Variants in CADM2 observed in about 807,000 individuals in gnomAD.
CADM2 encodes cell adhesion molecule 2, also known as immunoglobulin superfamily member 4D.
In CADM2, 12 loss-of-function variants were observed where a neutral mutation model predicts 49.8. The observed-to-expected ratio is 0.24, with a 90% CI of 0.15 to 0.39. The LOEUF (loss-of-function observed/expected upper bound fraction) is 0.39. Among genes scored for constraint, CADM2 ranks in the 10% least tolerant of loss-of-function variants. CADM2 has a pLI of 1.00. For missense variants in CADM2, 378 were observed against 492.3 expected, an observed-to-expected ratio of 0.77 and a Z score of 2.20; for synonymous variants, 214 against 175.4, an observed-to-expected ratio of 1.22 and a Z score of -1.74.
At chr3:85,028,866 A>T (rs1457217832) in intron 1 of CADM2, among the ~76,000 whole-genome samples, 2 of 151,922 alleles carry the variant, frequency 1.3e-5, no homozygotes, top group Non-Finnish European at 2.9e-5. Flanking sequence ...TTTAAAATAT[A>T]TTCCAAAATT....
chr3:85,894,757 C>G (rs1197773908), intron 5 of CADM2, among the ~76,000 whole-genome samples: 2 of 152,186 alleles, frequency 1.3e-5, no homozygotes, highest in Non-Finnish European at 2.9e-5. Context: ...CCAGCTGTGG[C>G]TAAAAGGGGC....
intron 1 of CADM2, among the ~76,000 whole-genome samples, chr3:85,156,378 A>G (rs2040123420): frequency 6.6e-6 from 1 of 152,170 alleles, no homozygotes; most frequent in Non-Finnish European, 1.5e-5. Flanking sequence ...ATCTAGAAGA[A>G]ATGGATAAAT....
At chr3:86,053,346 C>T (rs1343696769) in intron 8 of CADM2, among the ~76,000 whole-genome samples, 7 of 152,052 alleles carry the variant, frequency 4.6e-5, no homozygotes, top group Non-Finnish European at 1.0e-4. Context: ...GCATTTTTTG[C>T]GTGTACACTT....
chr3:86,066,933 A>C lies in CADM2; in HGVS notation c.*150A>C. 1 of 638,978 alleles carries C rather than the reference A, an allele frequency of 1.6e-6. No individual in the cohort carries two copies. 39.6% of individuals were successfully genotyped at this position (638,978 alleles called of 1,614,324 possible). A position where few individuals can be genotyped will look rare whatever the true frequency, so the allele number is the denominator to read the frequency against. ...CAGTAGCCAGTGTATACCAACAATC[A>C]GCTGTTGAAAGCATCATTCTTTAAT... On this transcript the variant is annotated 3_prime_UTR_variant, in exon 10 of 10. Transcript: ENST00000383699.
intron 2 of CADM2, among the ~76,000 whole-genome samples, chr3:85,779,979 T>C (rs1277234440): frequency 6.6e-6 from 1 of 152,132 alleles, no homozygotes; most frequent in Non-Finnish European, 1.5e-5. Context: ...TAACATCTAG[T>C]GGTCCAATTG....
At chr3:85,509,644 GGTTT>G (rs1275334934) in intron 1 of CADM2, among the ~76,000 whole-genome samples, 1 of 151,926 alleles carries the variant, frequency 6.6e-6, no homozygotes, top group Non-Finnish European at 1.5e-5. Context: ...TAAAAGTGAT[GGTTT>G]GTTAGCAATA....
At chr3:85,603,449 A>G (rs2063468708) in intron 1 of CADM2, among the ~76,000 whole-genome samples, 1 of 151,786 alleles carries the variant, frequency 6.6e-6, no homozygotes, top group African/African-American at 2.4e-5. Context: ...TTTTTCCTCA[A>G]TTTCAAGAAG....
chr3:85,508,989 A>C (rs933489116), intron 1 of CADM2, among the ~76,000 whole-genome samples: 1 of 152,162 alleles, frequency 6.6e-6, no homozygotes, highest in Non-Finnish European at 1.5e-5. Context: ...AATTCTGTGA[A>C]TATATTAAAT....
intron 1 of CADM2, among the ~76,000 whole-genome samples, chr3:85,694,014 G>A (rs2066474019): frequency 6.6e-6 from 1 of 151,826 alleles, no homozygotes; most frequent in Non-Finnish European, 1.5e-5. Context: ...CCGACTTTTG[G>A]TAGTTTTGTG....
intron 1 of CADM2, among the ~76,000 whole-genome samples, chr3:84,994,754 C>T (rs546431152): frequency 2.9e-4 from 44 of 152,152 alleles, no homozygotes; most frequent in African/African-American, 7.9e-4. Context: ...TTCGGCTGGG[C>T]GTGGTGCCTC....
intron 2 of CADM2, among the ~76,000 whole-genome samples, chr3:85,739,368 G>A (rs886075980): frequency 6.6e-6 from 1 of 152,014 alleles, no homozygotes; most frequent in Non-Finnish European, 1.5e-5. Context: ...AAAACTGATA[G>A]AGATGAATAC....
chr3:85,594,591 G>T (rs948733341), intron 1 of CADM2, among the ~76,000 whole-genome samples: 12 of 151,972 alleles, frequency 7.9e-5, no homozygotes, highest in African/African-American at 2.9e-4. Flanking sequence ...AAAAGAGAGA[G>T]AGAGAATACA....
intron 2 of CADM2, among the ~76,000 whole-genome samples, chr3:85,781,990 C>T (rs1179499733): frequency 6.6e-6 from 1 of 152,212 alleles, no homozygotes; most frequent in East Asian, 1.9e-4. Flanking sequence ...TTATGCTTTG[C>T]TACTTTGCTC....
intron 1 of CADM2, among the ~76,000 whole-genome samples, chr3:85,408,010 C>CAAAAAAAAAAAACAAAAAAAA (rs2035474480): frequency 1.8e-5 from 1 of 56,184 alleles, no homozygotes; most frequent in East Asian, 7.4e-4. Flanking sequence ...AAAACAAAAC[C>CAAAAAAAAAAAACAAAAAAAA]AAAAAAAAAA....
chr3:85,107,814 C>T (rs1330208182), intron 1 of CADM2, among the ~76,000 whole-genome samples: 5 of 151,206 alleles, frequency 3.3e-5, no homozygotes, highest in Non-Finnish European at 7.4e-5. Flanking sequence ...ATTCTCCTGC[C>T]TCAGCCTCCC....
intron 1 of CADM2, among the ~76,000 whole-genome samples, chr3:85,162,650 A>G (rs2040361614): frequency 6.6e-6 from 1 of 152,118 alleles, no homozygotes; most frequent in Admixed American, 6.6e-5. Context: ...AATTTCAATG[A>G]CATCTATACA....
At chr3:85,398,743 T>G (rs998760859) in intron 1 of CADM2, among the ~76,000 whole-genome samples, 1 of 152,212 alleles carries the variant, frequency 6.6e-6, no homozygotes, top group Non-Finnish European at 1.5e-5. Context: ...GATTTGCATT[T>G]CTCTGATGGC....
chr3:85,232,907 A>G (rs1446967220), intron 1 of CADM2, among the ~76,000 whole-genome samples: 4 of 152,184 alleles, frequency 2.6e-5, no homozygotes, highest in Admixed American at 1.3e-4. Context: ...TACTTAGAAG[A>G]GTTGAAAATT....
intron 1 of CADM2, among the ~76,000 whole-genome samples, chr3:85,190,716 A>C (rs1410939196): frequency 6.6e-6 from 1 of 152,178 alleles, no homozygotes; most frequent in Non-Finnish European, 1.5e-5. Context: ...GAATCTCTGA[A>C]TGCAATAAGG....
Sources: gnomAD v4.1 joint callset for allele counts (sites outside exome capture counted in the v4.1 genomes callset) on GRCh38, gnomAD v4.1.1 for gene constraint, MANE v1.5 for transcripts, NCBI Gene and HGNC (gene_info 2026-07-23, HGNC 2026-07-21) for gene names.